GUCY1A2: variants seen among roughly 807,000 people sequenced by gnomAD.
The protein encoded by GUCY1A2 is guanylate cyclase 1 soluble subunit alpha 2, also known as guanylate cyclase soluble subunit alpha-2.
Under a neutral mutation model 63.5 loss-of-function variants are expected in GUCY1A2, and 27 were observed. The ratio of observed to expected loss-of-function variants is 0.43; its 90% CI spans 0.31 to 0.59. GUCY1A2 has a LOEUF of 0.59. GUCY1A2 is among the 20% of genes least tolerant of loss of function. The pLI is 0.11. For missense variants in GUCY1A2, 768 were observed against 913.3 expected (o/e 0.84, Z 2.05); for synonymous variants, 364 against 343.5 (o/e 1.06, Z -0.66).
intron 4 of GUCY1A2, among the ~76,000 whole-genome samples, chr11:106,838,506 A>T (rs1859147496): frequency 6.6e-6 from 1 of 152,010 alleles, no homozygotes; most frequent in Admixed American, 6.6e-5. Context: ...ACTGTTAACT[A>T]ATAACTAATG....
intron 6 of GUCY1A2, among the ~76,000 whole-genome samples, chr11:106,734,024 T>C (rs1306730690): frequency 6.6e-6 from 1 of 152,156 alleles, no homozygotes; most frequent in Non-Finnish European, 1.5e-5. Context: ...GGTAACAATA[T>C]AGTAATCTCC....
chr11:106,796,233 C>G (rs1375953014), intron 5 of GUCY1A2, among the ~76,000 whole-genome samples: 1 of 152,184 alleles, frequency 6.6e-6, no homozygotes, highest in Admixed American at 6.5e-5. Flanking sequence ...CTGAATACAG[C>G]ACACTGATGG....
chr11:106,827,189 C>T, intron 4 of GUCY1A2: 1 of 1,510,628 alleles, frequency 6.6e-7, no homozygotes, highest in Non-Finnish European at 9.2e-7. Context: ...CAATCTGGTC[C>T]CAACGCACTG....
At chr11:106,806,565 G>T (rs1246260033) in intron 5 of GUCY1A2, among the ~76,000 whole-genome samples, 1 of 152,088 alleles carries the variant, frequency 6.6e-6, no homozygotes, top group Non-Finnish European at 1.5e-5. Context: ...ATTAGATACT[G>T]GTTCTTTATG....
chr11:106,824,031 C>T, intron 4 of GUCY1A2: 1 of 1,378,100 alleles, frequency 7.3e-7, no homozygotes, highest in Non-Finnish European at 9.9e-7. Flanking sequence ...CAAAAGCTTT[C>T]TTATTGTTGG....
At chr11:107,016,634 A>G (rs115527106) in intron 1 of GUCY1A2, among the ~76,000 whole-genome samples, 1 of 152,258 alleles carries the variant, frequency 6.6e-6, no homozygotes, top group African/African-American at 2.4e-5. Context: ...AATATAAAGA[A>G]GCCACCAAAA....
At chr11:106,920,342 T>A (rs1423134650) in intron 4 of GUCY1A2, among the ~76,000 whole-genome samples, 1 of 152,174 alleles carries the variant, frequency 6.6e-6, no homozygotes. Flanking sequence ...ACGTTATTTA[T>A]GCTTCATAAC....
At chr11:106,847,308 A>C (rs1048206348) in intron 4 of GUCY1A2, among the ~76,000 whole-genome samples, 4 of 150,540 alleles carry the variant, frequency 2.7e-5, no homozygotes, top group African/African-American at 9.7e-5. Flanking sequence ...ATATACTCAC[A>C]TATATATTTA....
chr11:106,827,764 C>T (rs1858991438), intron 4 of GUCY1A2: 1 of 1,528,976 alleles, frequency 6.5e-7, no homozygotes, highest in Non-Finnish European at 9.1e-7. Context: ...ACAGGAGAAG[C>T]TGTTACCAAG....
In GUCY1A2 at chr11:107,018,086, G is replaced by A. The variant is rs765285083; in HGVS notation, c.-31C>T. 2.9e-6 allele frequency: 4 copies of A among 1,395,434 alleles called. No homozygotes were observed. The highest frequency in any genetic ancestry group is 1.5e-5 in the South Asian group (1 of 66,636). The allele number at this position is 1,395,434 out of a possible 1,614,324, so 86.4% of individuals were successfully genotyped here. A position where few individuals can be genotyped will look rare whatever the true frequency, so the allele number is the denominator to read the frequency against. On this transcript the variant is annotated 5_prime_UTR_variant, in exon 1 of 8. Transcript: ENST00000526355. ...CGGCGGAGCTGCAGCGGCCGAGGCG[G>A]TGGCGGCGAGGACGCGAGCGGCGGC...
intron 4 of GUCY1A2, among the ~76,000 whole-genome samples, chr11:106,841,341 G>A (rs2200653): frequency 0.33 from 50,593 of 151,432 alleles, 8,683 homozygotes; most frequent in East Asian, 0.46. Flanking sequence ...AAACAACTCC[G>A]TATTTCTCTT....
chr11:106,763,849 C>T (rs1286919210), intron 6 of GUCY1A2, among the ~76,000 whole-genome samples: 1 of 151,938 alleles, frequency 6.6e-6, no homozygotes, highest in African/African-American at 2.4e-5. Flanking sequence ...CAGTGCTTTT[C>T]GTTACGTAAA....
At chr11:106,955,027 G>A (rs1860964490) in intron 3 of GUCY1A2, among the ~76,000 whole-genome samples, 2 of 151,826 alleles carry the variant, frequency 1.3e-5, no homozygotes, top group East Asian at 1.9e-4. Context: ...TGCCCAGGCT[G>A]GAGTGCAATG....
At chr11:106,858,788 C>T (rs1197287773) in intron 4 of GUCY1A2, among the ~76,000 whole-genome samples, 1 of 152,086 alleles carries the variant, frequency 6.6e-6, no homozygotes, top group Admixed American at 6.6e-5. Context: ...AGTCCACTCC[C>T]AGCTTTCTTC....
At chr11:106,809,713 CAAGTTT>C (rs1428972219) in intron 5 of GUCY1A2, among the ~76,000 whole-genome samples, 1 of 152,080 alleles carries the variant, frequency 6.6e-6, no homozygotes, top group Non-Finnish European at 1.5e-5. Context: ...TAGAATTCAA[CAAGTTT>C]AATTTTTTAA....
At chr11:106,755,141 G>A (rs1221844153) in intron 6 of GUCY1A2, among the ~76,000 whole-genome samples, 2 of 152,120 alleles carry the variant, frequency 1.3e-5, no homozygotes, top group Non-Finnish European at 2.9e-5. Context: ...TTGCAAAGGG[G>A]TGTTTATAGT....
chr11:106,899,479 T>C (rs1484699141), intron 4 of GUCY1A2, among the ~76,000 whole-genome samples: 2 of 152,198 alleles, frequency 1.3e-5, no homozygotes, highest in African/African-American at 4.8e-5. Context: ...TCATGTATTG[T>C]AAATTAATTT....
chr11:106,773,879 TTTTA>T (rs1473998927), intron 6 of GUCY1A2, among the ~76,000 whole-genome samples: 7 of 152,332 alleles, frequency 4.6e-5, no homozygotes, highest in African/African-American at 1.4e-4. Context: ...TGTTCTAAAC[TTTTA>T]TTTTATGATT....
chr11:106,728,616 G>T (rs1178244848), intron 6 of GUCY1A2, among the ~76,000 whole-genome samples: 1 of 152,140 alleles, frequency 6.6e-6, no homozygotes, highest in African/African-American at 2.4e-5. Flanking sequence ...CAGCATGGGT[G>T]ATTTAAATGC....
Sources: gnomAD v4.1 joint callset for allele counts (sites outside exome capture counted in the v4.1 genomes callset) on GRCh38, gnomAD v4.1.1 for gene constraint, MANE v1.5 for transcripts, NCBI Gene and HGNC (gene_info 2026-07-23, HGNC 2026-07-21) for gene names.